Variants in CASP4 observed in about 807,000 individuals in gnomAD.
The protein encoded by CASP4 is caspase-4.
CASP4 carries 29 observed loss-of-function variants against 41.3 expected under a neutral mutation model. The ratio of observed to expected loss-of-function variants is 0.70; its 90% CI spans 0.52 to 0.96. CASP4 has a LOEUF of 0.96. CASP4 is among the 40% of genes least tolerant of loss of function. The pLI, the probability that CASP4 is intolerant of heterozygous loss-of-function variation, is 0.00. For synonymous variants in CASP4, 185 were observed against 158.4 expected (o/e 1.17, Z -1.26); for missense variants, 447 against 460.6 (o/e 0.97, Z 0.27).
chr11:104,944,010 T>G (rs1860388596), intron 8 of CASP4: 1 of 152,234 alleles, frequency 6.6e-6, no homozygotes, highest in Non-Finnish European at 1.5e-5. Context: ...CCAGACTCAA[T>G]GTACCCATTC....
intron 1 of CASP4, among the ~76,000 whole-genome samples, chr11:104,966,237 G>A (rs1043609486): frequency 6.6e-6 from 1 of 152,110 alleles, no homozygotes; most frequent in Non-Finnish European, 1.5e-5. Context: ...AGCAAACCAG[G>A]TAAGTTTGAT....
chr11:104,959,472 G>C (rs1183305977), intron 1 of CASP4, among the ~76,000 whole-genome samples: 2 of 152,016 alleles, frequency 1.3e-5, no homozygotes, highest in Non-Finnish European at 2.9e-5. Context: ...TAAATTAAAA[G>C]TATGGCCTGA....
intron 3 of CASP4, 37 bp downstream of exon 3, chr11:104,951,859 C>T: frequency 7.4e-7 from 1 of 1,355,720 alleles, no homozygotes; most frequent in South Asian, 1.2e-5. Context: ...AATGATATCT[C>T]TTCTTTTTTT....
At chr11:104,944,547 T>A in intron 8 of CASP4, 3 of 512,430 alleles carry the variant, frequency 5.9e-6, no homozygotes, top group Non-Finnish European at 3.5e-6. Flanking sequence ...GATTGATTGA[T>A]TGATTGCCTG....
At chr11:104,966,066 GC>G (rs1860967845) in intron 1 of CASP4, among the ~76,000 whole-genome samples, 1 of 152,148 alleles carries the variant, frequency 6.6e-6, no homozygotes, top group African/African-American at 2.4e-5. Context: ...ATTTCTGAAT[GC>G]TCGGGGAGAC....
intron 7 of CASP4, 63 bp from the exon 8 acceptor site, chr11:104,944,914 C>A (rs1229494532): frequency 2.1e-5 from 24 of 1,118,110 alleles, no homozygotes; most frequent in Middle Eastern, 2.0e-4. Context: ...AAGCATCTTT[C>A]ACCATGTACC....
intron 1 of CASP4, among the ~76,000 whole-genome samples, chr11:104,957,258 A>G (rs745958976): frequency 6.6e-6 from 1 of 152,286 alleles, no homozygotes; most frequent in Non-Finnish European, 1.5e-5. Flanking sequence ...TTTCTGTATA[A>G]CAATAAACCA....
chr11:104,947,384 G>C, intron 6 of CASP4, 192 bp from the exon 7 acceptor site: 2 of 378,808 alleles, frequency 5.3e-6, no homozygotes, highest in Non-Finnish European at 9.5e-6. Flanking sequence ...AGCAAAAGGT[G>C]ATCAAAAGTT....
chr11:104,948,992 C>T (rs1485308516), intron 5 of CASP4: 1 of 206,550 alleles, frequency 4.8e-6, no homozygotes, highest in African/African-American at 2.3e-5. Context: ...GGCCTCAAGC[C>T]ATCCTCCTGT....
chr11:104,959,606 A>G (rs1341943996), intron 1 of CASP4, among the ~76,000 whole-genome samples: 3 of 152,226 alleles, frequency 2.0e-5, no homozygotes, highest in East Asian at 1.9e-4. Context: ...TTCAATAGAC[A>G]ATGAGATATC....
At chr11:104,948,361 T>A in intron 6 of CASP4, 172 bp downstream of exon 6, 1 of 495,792 alleles carries the variant, frequency 2.0e-6, no homozygotes, top group South Asian at 6.9e-5. Context: ...TTTCCATGTA[T>A]CGGGTTGCTT....
intron 1 of CASP4, among the ~76,000 whole-genome samples, chr11:104,955,996 A>G (rs1415661012): frequency 6.6e-6 from 1 of 152,132 alleles, no homozygotes; most frequent in Non-Finnish European, 1.5e-5. Flanking sequence ...TAATATTTTC[A>G]TACGTGCTTA....
chr11:104,961,701 G>T (rs910628528), intron 1 of CASP4, among the ~76,000 whole-genome samples: 1 of 152,194 alleles, frequency 6.6e-6, no homozygotes, highest in Non-Finnish European at 1.5e-5. Flanking sequence ...TACTCTTGGA[G>T]TTCCTGTTTA....
chr11:104,967,918 G>A (rs1354815410), intron 1 of CASP4, among the ~76,000 whole-genome samples: 1 of 152,126 alleles, frequency 6.6e-6, no homozygotes, highest in Non-Finnish European at 1.5e-5. Context: ...AAAGTTGTGT[G>A]CAGAATGGAT....
rs1565362662 is a variant in CASP4 at position 104,944,855 on chromosome 11, A to G, written c.1036-4T>C. The stretch of plus-strand genomic sequence containing the variant: ...GAGTTTCAAATGATTGCTGTACCTG[A>G]AAAAGAAAATAGGCTGTAGATGAGA... On this transcript the variant is annotated splice_polypyrimidine_tract_variant and splice_region_variant and intron_variant, in intron 7 of 8. Transcript: ENST00000444739. 1 of 1,598,276 alleles carries G rather than the reference A, an allele frequency of 6.3e-7. No homozygotes were observed. Among genetic ancestry groups the G allele is most frequent in the Non-Finnish European group, 8.6e-7 (1 of 1,165,750 alleles).
intron 1 of CASP4, among the ~76,000 whole-genome samples, chr11:104,965,811 G>A (rs1565370703): frequency 1.3e-5 from 2 of 152,138 alleles, no homozygotes; most frequent in Non-Finnish European, 2.9e-5. Flanking sequence ...TGTGCTCCCA[G>A]GGATAATATC....
chr11:104,948,767 T>C, intron 5 of CASP4, 91 bp from the exon 6 acceptor site: 3 of 1,229,440 alleles, frequency 2.4e-6, no homozygotes, highest in East Asian at 2.4e-5. Context: ...ATGTTCATTC[T>C]TACTAGTTTC....
chr11:104,964,007 C>G (rs535085050), intron 1 of CASP4, among the ~76,000 whole-genome samples: 1 of 152,294 alleles, frequency 6.6e-6, no homozygotes, highest in South Asian at 2.1e-4. Context: ...AATTTTCTGT[C>G]TGTCTGTGTA....
In CASP4 at chr11:104,965,977, T is replaced by C. The variant is rs1010746402; in HGVS notation, c.7+2542A>G. On this transcript the variant is annotated intron_variant, in intron 1 of 8. Transcript: ENST00000444739. ...AAGAAAACCTCACTTTGACACCCTATGATTCCATCTCCCACCTGAGTAATC... is the reference window on the plus strand; with the variant it reads ...AAGAAAACCTCACTTTGACACCCTACGATTCCATCTCCCACCTGAGTAATC... Among the ~76,000 whole-genome samples the C allele has an allele frequency of 4.6e-5, 7 of 152,192 alleles. No individual in the cohort carries two copies. In the East Asian group the frequency reaches 1.3e-3, roughly 29 times the overall value.
Sources: allele counts gnomAD v4.1 joint callset (sites outside exome capture counted in the v4.1 genomes callset), GRCh38; gene constraint gnomAD v4.1.1; transcripts MANE v1.5; gene names NCBI Gene and HGNC (gene_info 2026-07-23, HGNC 2026-07-21).